Variants in GPR141 observed in about 807,000 individuals in gnomAD.
GPR141 encodes the protein G protein-coupled receptor 141.
In GPR141, 6 loss-of-function variants were observed where a neutral mutation model predicts 6.8. The ratio of observed to expected loss-of-function variants is 0.88; its 90% CI spans 0.48 to 1.74. GPR141 has a LOEUF of 1.74. GPR141 is among the 40% of genes most tolerant of loss of function. The probability of loss-of-function intolerance (pLI) is 0.01; values close to 1 mark genes in which losing one functional copy is unlikely to be tolerated. For synonymous variants in GPR141, 140 were observed against 142.3 expected (o/e 0.98, Z 0.11); for missense variants, 372 against 372.9 (o/e 1.00, Z 0.02).
intron 2 of GPR141, among the ~76,000 whole-genome samples, chr7:37,703,265 T>C (rs1015591293): frequency 3.9e-5 from 6 of 152,202 alleles, no homozygotes; most frequent in African/African-American, 1.4e-4. Context: ...TTTTTAGTGG[T>C]CTGTCTTCTC....
intron 2 of GPR141, among the ~76,000 whole-genome samples, chr7:37,706,551 C>A (rs1007592504): frequency 1.3e-5 from 2 of 151,946 alleles, no homozygotes; most frequent in Admixed American, 1.3e-4. Flanking sequence ...ACCATAGTTC[C>A]TTCCGCTCAT....
chr7:37,705,457 A>G (rs1361117152), intron 2 of GPR141, among the ~76,000 whole-genome samples: 1 of 152,208 alleles, frequency 6.6e-6, no homozygotes, highest in African/African-American at 2.4e-5. Context: ...ACTGCGATAT[A>G]TCAGTTGGAT....
chr7:37,686,180 T>C (rs1341218005), intron 2 of GPR141, among the ~76,000 whole-genome samples: 7 of 149,996 alleles, frequency 4.7e-5, no homozygotes, highest in East Asian at 2.0e-4. Context: ...TTTTTTTTTT[T>C]CTTTAGAGAG....
intron 2 of GPR141, among the ~76,000 whole-genome samples, chr7:37,692,766 CAT>C (rs1174676080): frequency 1.3e-5 from 2 of 152,114 alleles, no homozygotes; most frequent in Non-Finnish European, 2.9e-5. Flanking sequence ...AGCTTTTTTT[CAT>C]ATGTTTGATG....
chr7:37,732,659 G>A (rs1812026154), intron 2 of GPR141, among the ~76,000 whole-genome samples: 1 of 152,106 alleles, frequency 6.6e-6, no homozygotes, highest in South Asian at 2.1e-4. Context: ...TGACCTCAAG[G>A]TTACACTATA....
intron 2 of GPR141, among the ~76,000 whole-genome samples, chr7:37,696,913 T>C (rs1810042253): frequency 6.6e-6 from 1 of 152,166 alleles, no homozygotes; most frequent in South Asian, 2.1e-4. Flanking sequence ...CTTAGTTGCG[T>C]TTTCTGGAAA....
intron 2 of GPR141, among the ~76,000 whole-genome samples, chr7:37,687,468 C>CAATT (rs1261046371): frequency 5.3e-5 from 8 of 152,094 alleles, no homozygotes; most frequent in African/African-American, 1.9e-4. Flanking sequence ...CTTTGGGATA[C>CAATT]AATTATACAG....
chr7:37,737,386 ATG>A (rs1221509166), intron 2 of GPR141, among the ~76,000 whole-genome samples: 1 of 152,148 alleles, frequency 6.6e-6, no homozygotes, highest in Non-Finnish European at 1.5e-5. Flanking sequence ...GTAATATATC[ATG>A]TTAGTATTTG....
At chr7:37,701,951 TC>T (rs1810294581) in intron 2 of GPR141, among the ~76,000 whole-genome samples, 1 of 152,176 alleles carries the variant, frequency 6.6e-6, no homozygotes, top group African/African-American at 2.4e-5. Context: ...AAGGAGCTCC[TC>T]CCTTTTCCCT....
At chr7:37,698,459 C>T (rs139536645) in intron 2 of GPR141, among the ~76,000 whole-genome samples, 8 of 152,134 alleles carry the variant, frequency 5.3e-5, no homozygotes, top group Admixed American at 1.3e-4. Context: ...TGACTCATTG[C>T]GGGGAGGGGA....
intron 2 of GPR141, among the ~76,000 whole-genome samples, chr7:37,711,245 A>G (rs1460724789): frequency 6.6e-6 from 1 of 152,074 alleles, no homozygotes; most frequent in African/African-American, 2.4e-5. Context: ...CACCCCAGAG[A>G]CTCTGTTTCA....
chr7:37,699,295 C>T (rs1810164636), intron 2 of GPR141, among the ~76,000 whole-genome samples: 1 of 152,196 alleles, frequency 6.6e-6, no homozygotes, highest in Non-Finnish European at 1.5e-5. Flanking sequence ...GGCATGGTGG[C>T]TCACACCTGT....
intron 2 of GPR141, among the ~76,000 whole-genome samples, chr7:37,706,026 A>C (rs977471301): frequency 4.6e-5 from 7 of 152,180 alleles, no homozygotes; most frequent in African/African-American, 1.7e-4. Flanking sequence ...AACTACCACT[A>C]AAGAGGGCAG....
Position 37,742,173 on chromosome 7 carries a change from T to C in GPR141, c.*862T>C, listed in dbSNP as rs1812595444. ...AATTTCTAGATGTCCTGGGCCACAG[T>C]TAATTAAGATTTTTAGGGGGGACAG... On this transcript the variant is annotated 3_prime_UTR_variant, in exon 3 of 3. Coordinates refer to ENST00000334425, the MANE Select transcript of GPR141 (RefSeq NM_001381946.1). Among the ~76,000 whole-genome samples, 1 of 152,070 alleles carries C rather than the reference T, an allele frequency of 6.6e-6. No individual in the cohort carries two copies. The highest frequency in any genetic ancestry group is 1.5e-5 in the Non-Finnish European group (1 of 68,008).
intron 2 of GPR141, among the ~76,000 whole-genome samples, chr7:37,728,511 C>G (rs1312823131): frequency 6.6e-6 from 1 of 151,948 alleles, no homozygotes; most frequent in Non-Finnish European, 1.5e-5. Flanking sequence ...TTGTGTAGGA[C>G]TCTCATTTTG....
At chr7:37,721,517 T>G (rs1316662414) in intron 2 of GPR141, among the ~76,000 whole-genome samples, 1 of 152,208 alleles carries the variant, frequency 6.6e-6, no homozygotes, top group Non-Finnish European at 1.5e-5. Flanking sequence ...TTAAGAAAGG[T>G]CTTCTCTGAA....
chr7:37,721,629 T>C (rs554397835), intron 2 of GPR141, among the ~76,000 whole-genome samples: 1 of 152,344 alleles, frequency 6.6e-6, no homozygotes, highest in East Asian at 1.9e-4. Context: ...CCTAAAATTA[T>C]TTTCCATTCT....
intron 2 of GPR141, among the ~76,000 whole-genome samples, chr7:37,736,510 A>G (rs1389611330): frequency 6.8e-6 from 1 of 146,770 alleles, no homozygotes; most frequent in African/African-American, 2.5e-5. Flanking sequence ...AAAAAAAAAC[A>G]CCCAGGCAAA....
At chr7:37,694,205 G>A (rs1280997738) in intron 2 of GPR141, among the ~76,000 whole-genome samples, 1 of 152,234 alleles carries the variant, frequency 6.6e-6, no homozygotes, top group African/African-American at 2.4e-5. Context: ...GTAACTGGAA[G>A]GGATGAGAAG....
Sources: gnomAD v4.1 joint callset for allele counts (sites outside exome capture counted in the v4.1 genomes callset) on GRCh38, gnomAD v4.1.1 for gene constraint, MANE v1.5 for transcripts, NCBI Gene and HGNC (gene_info 2026-07-23, HGNC 2026-07-21) for gene names.